The following ACSL6 variants were observed in gnomAD, a reference collection of about 807,000 sequenced individuals.
ACSL6 encodes long-chain-fatty-acid--CoA ligase 6.
In ACSL6, 47 loss-of-function variants were observed where a neutral mutation model predicts 98.2. The observed-to-expected ratio is 0.48, with a 90% confidence interval of 0.38 to 0.61. The LOEUF (loss-of-function observed/expected upper bound fraction) is 0.61, where lower values mean the gene tolerates loss of function less well. Ranked by LOEUF, ACSL6 falls within the 20% of genes least tolerant of loss-of-function variation. The pLI is 0.00. For synonymous variants in ACSL6, 362 were observed against 336.9 expected, an observed-to-expected ratio of 1.07 and a Z score of -0.82; for missense variants, 761 against 913.4, an observed-to-expected ratio of 0.83 and a Z score of 2.15.
intron 10 of ACSL6, chr5:131,976,332 G>C: frequency 1.5e-6 from 1 of 664,828 alleles, no homozygotes; most frequent in Non-Finnish European, 1.9e-6. Context: ...CAAAACCATG[G>C]GTATATCAAT....
In ACSL6 at chr5:131,960,467, T is replaced by A. The variant is rs756858987; in HGVS notation, c.1959+53A>T. Reference sequence around the variant, plus strand: ...ACAACTTTTCTGTCTTCTCATTATGTGGTACCATAAAACATTCAGTAACCT... The same window carrying A: ...ACAACTTTTCTGTCTTCTCATTATGAGGTACCATAAAACATTCAGTAACCT... On this transcript the variant is annotated intron_variant, in intron 19 of 20. Transcript: ENST00000651883. 9.4e-5 allele frequency: 138 copies of A among 1,467,884 alleles called. 1 individual carries two copies. The highest frequency in any genetic ancestry group is 2.2e-4 in the South Asian group (18 of 80,178). 90.9% of individuals were successfully genotyped at this position (1,467,884 alleles called of 1,614,324 possible).
intron 17 of ACSL6, among the ~76,000 whole-genome samples, chr5:131,964,433 G>A (rs549898756): frequency 8.9e-4 from 135 of 152,254 alleles, no homozygotes; most frequent in African/African-American, 3.2e-3. Context: ...TTTAAAAAAT[G>A]GACTCTCACA....
At position 132,011,380 on chromosome 5, in the gene ACSL6, G is replaced by T. The variant is rs76936241; in HGVS notation, c.49+125C>A. 0.025 allele frequency: 26,834 copies of T among 1,085,528 alleles called. 447 individuals are homozygous for T. Among genetic ancestry groups the T allele is most frequent in the Middle Eastern group, 0.082 (406 of 4,964 alleles). The allele number at this position is 1,085,528 out of a possible 1,614,324, so 67.2% of individuals were successfully genotyped here. A position where few individuals can be genotyped will look rare whatever the true frequency, so the allele number is the denominator to read the frequency against. ...CTTAGGCGGCCCTGGGGACCTTGAC[G>T]GGACAGCTCAGCAGCAGGGGATGGG... On this transcript the variant is annotated intron_variant, in intron 1 of 20. Coordinates refer to ENST00000651883, the MANE Select transcript of ACSL6 (RefSeq NM_001009185.3). The surrounding 1 kb of genome is among the most constrained non-coding windows in gnomAD (Gnocchi z 5.4).
At chr5:131,962,509 G>A (rs767581273) in intron 18 of ACSL6, 26 bp downstream of exon 18, 14 of 1,593,446 alleles carry the variant, frequency 8.8e-6, no homozygotes, top group South Asian at 2.2e-5. Flanking sequence ...AGGATATGTG[G>A]GAGGGCTGAA....
intron 9 of ACSL6, among the ~76,000 whole-genome samples, chr5:131,979,231 C>T (rs1175770020): frequency 6.6e-6 from 1 of 152,178 alleles, no homozygotes; most frequent in Non-Finnish European, 1.5e-5. Context: ...TGTCACCTAG[C>T]AATTTCTTCC....
intron 9 of ACSL6, chr5:131,982,716 T>C (rs1316921772): frequency 1.3e-5 from 2 of 152,348 alleles, no homozygotes; most frequent in African/African-American, 4.8e-5. Flanking sequence ...CTGCAGGGAA[T>C]GCCTTTCCCT....
chr5:132,001,646 C>T (rs1329719780), intron 1 of ACSL6, among the ~76,000 whole-genome samples: 1 of 152,182 alleles, frequency 6.6e-6, no homozygotes, highest in Non-Finnish European at 1.5e-5. Flanking sequence ...AATTAAGCCC[C>T]TTGAATGTAG....
At chr5:131,967,876 C>T (rs1753101443) in intron 16 of ACSL6, 64 bp downstream of exon 16, 5 of 1,412,496 alleles carry the variant, frequency 3.5e-6, no homozygotes, top group East Asian at 2.3e-5. Flanking sequence ...TCCATCCCTA[C>T]TGTTCTTGTT....
rs189067458 is a variant in ACSL6, at chr5:131,971,459, G to T, written c.1434+91C>A. On this transcript the variant is annotated intron_variant, in intron 14 of 20. Coordinates refer to ENST00000651883, the MANE Select transcript of ACSL6 (RefSeq NM_001009185.3). Reference sequence around the variant, plus strand: ...TTGTCTCACAAAAATCTTGTCCCCCGGTTCTTTCTCTGAGCAGTAGAGGGT... The same window carrying T: ...TTGTCTCACAAAAATCTTGTCCCCCTGTTCTTTCTCTGAGCAGTAGAGGGT... The T allele has an allele frequency of 2.2e-5, 23 of 1,052,916 alleles. No homozygotes were observed. In the South Asian group the frequency reaches 8.2e-4, roughly 38 times the overall value. The allele number at this position is 1,052,916 out of a possible 1,614,324, so 65.2% of individuals were successfully genotyped here. A position where few individuals can be genotyped will look rare whatever the true frequency, so the allele number is the denominator to read the frequency against.
intron 9 of ACSL6, chr5:131,982,263 C>T (rs1029251420): frequency 3.3e-5 from 5 of 149,696 alleles, no homozygotes; most frequent in African/African-American, 1.2e-4. Flanking sequence ...CCTGCCTCAG[C>T]CTCCCAAGTA....
chr5:131,988,817 T>G lies in ACSL6; in HGVS notation c.640A>C (p.Ile214Leu), dbSNP rs746439546. Residue 214 changes from isoleucine (I) to leucine (L), a missense_variant, in exon 6 of 21, where the codon ATC (isoleucine) becomes CTC (leucine). Ile to Leu is a conservative substitution (Grantham distance 5, BLOSUM62 2). Coordinates refer to ENST00000651883, the MANE Select transcript of ACSL6 (RefSeq NM_001009185.3). ...DTLGPGAIRY[I>L]INTADISTVI... ...GCAGTGGGCTTACCTGTATTGATGATGTAGCGGATAGCCCCAGGGCCCAGG... is the reference window on the plus strand; with the variant it reads ...GCAGTGGGCTTACCTGTATTGATGAGGTAGCGGATAGCCCCAGGGCCCAGG... 1.2e-6 allele frequency: 2 copies of G among 1,613,304 alleles called. No homozygotes were observed. Among genetic ancestry groups the G allele is most frequent in the Non-Finnish European group, 1.7e-6 (2 of 1,179,816 alleles).
At chr5:132,008,167 C>T (rs978006372) in intron 1 of ACSL6, among the ~76,000 whole-genome samples, 1 of 152,188 alleles carries the variant, frequency 6.6e-6, no homozygotes, top group Non-Finnish European at 1.5e-5. Flanking sequence ...CACAGAGCCA[C>T]CTGTTCTGCC....
Position 131,971,656 on chromosome 5 carries a change from A to C in ACSL6, c.1339-11T>G, listed in dbSNP as rs1358200635. 2.5e-6 allele frequency: 4 copies of C among 1,593,728 alleles called. No homozygotes were observed. In the South Asian group the frequency reaches 4.6e-5, roughly 18 times the overall value. Reference sequence around the variant, plus strand: ...CCCACCAAGACTGGCCTGTGGGAAGAAAGAAGAGCTGCCAAATTTTGTGAT... The same window carrying C: ...CCCACCAAGACTGGCCTGTGGGAAGCAAGAAGAGCTGCCAAATTTTGTGAT... On this transcript the variant is annotated splice_polypyrimidine_tract_variant and intron_variant, in intron 13 of 20. Transcript: ENST00000651883.
chr5:131,954,107 G>A lies in ACSL6; in HGVS notation c.*127C>T, dbSNP rs1752276822. On this transcript the variant is annotated 3_prime_UTR_variant, in exon 21 of 21. Transcript: ENST00000651883. ...TATTGTTAAAGACCTCTTGGGACAG[G>A]AAAAGGCTCAGTCATAAAATCAGAT... 2.1e-6 allele frequency: 2 copies of A among 971,068 alleles called. No homozygotes were observed. The highest frequency in any genetic ancestry group is 1.7e-5 in the African/African-American group (1 of 59,064). 60.2% of individuals were successfully genotyped at this position (971,068 alleles called of 1,614,324 possible). A position where few individuals can be genotyped will look rare whatever the true frequency, so the allele number is the denominator to read the frequency against.
At chr5:131,982,123 T>C (rs1292005170) in intron 9 of ACSL6, 3 of 141,272 alleles carry the variant, frequency 2.1e-5, no homozygotes, top group Non-Finnish European at 4.5e-5. Context: ...CCCAAAGTGC[T>C]GGGAAGACCA....
chr5:131,968,432 T>C (rs1248080985), intron 15 of ACSL6, among the ~76,000 whole-genome samples: 1 of 152,174 alleles, frequency 6.6e-6, no homozygotes, highest in Non-Finnish European at 1.5e-5. Context: ...ATAGCAATCA[T>C]TGCTTTTCCT....
chr5:132,010,943 G>A (rs941218982), intron 1 of ACSL6, among the ~76,000 whole-genome samples: 2 of 152,154 alleles, frequency 1.3e-5, no homozygotes, highest in African/African-American at 2.4e-5. Context: ...TGGAAACAGT[G>A]GAGACACAGC....
chr5:132,004,462 G>A lies in ACSL6; in HGVS notation c.49+7043C>T, dbSNP rs148270120. On this transcript the variant is annotated intron_variant, in intron 1 of 20. Coordinates refer to ENST00000651883, the MANE Select transcript of ACSL6 (RefSeq NM_001009185.3). ...GGAGTTGATTTTGAACCAACAGGTG[G>A]GTTGGTGGATGCTCCACAGATCTCC... Among the ~76,000 whole-genome samples the A allele has an allele frequency of 3.1e-3, 474 of 152,260 alleles. 4 individuals are homozygous for A. Among genetic ancestry groups the A allele is most frequent in the African/African-American group, 0.011 (452 of 41,554 alleles).
At chr5:132,008,208 C>T (rs1267752096) in intron 1 of ACSL6, among the ~76,000 whole-genome samples, 1 of 152,250 alleles carries the variant, frequency 6.6e-6, no homozygotes, top group Non-Finnish European at 1.5e-5. Flanking sequence ...CAATTCATAA[C>T]TGCAATCTCC....
Sources: allele counts gnomAD v4.1 joint callset (sites outside exome capture counted in the v4.1 genomes callset), GRCh38; gene constraint gnomAD v4.1.1; non-coding constraint Gnocchi (gnomAD v3.1); transcripts MANE v1.5; gene names NCBI Gene and HGNC (gene_info 2026-07-23, HGNC 2026-07-21).